Variants in LTBP4 observed in about 807,000 individuals in gnomAD.
LTBP4 encodes latent transforming growth factor beta binding protein 4, also known as latent-transforming growth factor beta-binding protein 4.
In LTBP4, 93 loss-of-function variants were observed where a neutral mutation model predicts 180.2. The observed-to-expected ratio is 0.52, with a 90% CI of 0.44 to 0.61. The LOEUF (loss-of-function observed/expected upper bound fraction) is 0.61. Ranked by LOEUF, LTBP4 falls within the 20% of genes least tolerant of loss-of-function variation. LTBP4 has a pLI of 0.00. For missense variants in LTBP4, 2,116 were observed against 2,256.5 expected (o/e 0.94, Z 1.26); for synonymous variants, 947 against 934.5 (o/e 1.01, Z -0.24).
intron 5 of LTBP4, 40 bp downstream of exon 5, chr19:40,606,347 G>A (rs1271135742): frequency 6.2e-7 from 1 of 1,602,100 alleles, no homozygotes; most frequent in South Asian, 1.1e-5. Context: ...GGTTCTGGGG[G>A]CGGGATTTGC....
At chr19:40,615,909 G>A (rs750114765) in intron 19 of LTBP4, among the ~76,000 whole-genome samples, 32 of 152,154 alleles carry the variant, frequency 2.1e-4, no homozygotes, top group Admixed American at 1.3e-4. Context: ...AAATACATAC[G>A]TATAACATCA....
At chr19:40,606,125 A>T in intron 4 of LTBP4, 108 bp from the exon 5 acceptor site, 2 of 1,072,800 alleles carry the variant, frequency 1.9e-6, no homozygotes, top group Non-Finnish European at 2.8e-6. Flanking sequence ...CCCTGCACTT[A>T]AACTACAGCC....
At chr19:40,608,020 T>C (rs1194095944) in intron 7 of LTBP4, among the ~76,000 whole-genome samples, 200 bp from the exon 8 acceptor site, 2 of 152,080 alleles carry the variant, frequency 1.3e-5, no homozygotes, top group African/African-American at 4.8e-5. Context: ...ATCCCAAATG[T>C]GGGAAAACGC....
rs749043704 is a variant in LTBP4 at position 40,617,078 on chromosome 19, CCTGA to C, written c.2945-18_2945-15del. ...GAGATGGTAGAAGGTCCAGAAATGG[CCTGA>C]CTGTCTGGTGGTTGCAGATGTGGAC... On this transcript the variant is annotated intron_variant, in intron 20 of 29. Transcript: ENST00000396819. 132 of 1,613,884 alleles carry C rather than the reference CCTGA, an allele frequency of 8.2e-5. No individual in the cohort carries two copies. The Admixed American group carries it at 1.5e-3, about 18-fold the overall frequency.
chr19:40,616,909 T>C lies in LTBP4; in HGVS notation c.2833T>C (p.Tyr945His). The C allele has an allele frequency of 1.2e-6, 2 of 1,613,970 alleles. No individual in the cohort carries two copies. The highest frequency in any genetic ancestry group is 1.7e-6 in the Non-Finnish European group (2 of 1,179,882). ...TCDDVDECQE[Y>H]GPEICGAQRC... ...TGCAGATGTGGATGAGTGCCAAGAA[T>C]ATGGTCCCGAGATTTGTGGAGCCCA... Residue 945 changes from tyrosine to histidine, a missense_variant, in exon 20 of 30, where the codon TAT (tyrosine) becomes CAT (histidine). This residue lies in a region of LTBP4 where 877 missense variants were observed against 873.6 expected (regional missense o/e 1.00). Coordinates refer to ENST00000396819, the MANE Select transcript of LTBP4 (RefSeq NM_001042545.2).
rs1204730681 is a variant in LTBP4 at position 40,596,350 on chromosome 19, C to T, written c.17-2847C>T. Among the ~76,000 whole-genome samples the T allele has an allele frequency of 2.6e-5, 4 of 152,168 alleles. No homozygotes were observed. In the East Asian group the frequency reaches 7.7e-4, roughly 29 times the overall value. ...CTGGGATTACAGGCCCGCGCCAGGG[C>T]ACCTAGCCGGAACTGGGAACTCTCT... On this transcript the variant is annotated intron_variant, in intron 1 of 32. Transcript: ENST00000204005.
intron 7 of LTBP4, 93 bp from the exon 8 acceptor site, chr19:40,608,127 A>G: frequency 2.8e-6 from 4 of 1,415,400 alleles, no homozygotes; most frequent in Non-Finnish European, 3.9e-6. Flanking sequence ...CTCTCCAGCC[A>G]AGCCCTGCCC....
intron 7 of LTBP4, 65 bp from the exon 8 acceptor site, chr19:40,608,155 C>T (rs1337723540): frequency 1.9e-6 from 3 of 1,578,846 alleles, no homozygotes; most frequent in African/African-American, 1.3e-5. Flanking sequence ...AGGCCAGAGT[C>T]TGGGCTGGCC....
Position 40,613,697 on chromosome 19 carries a change from G to A in LTBP4, c.2557+168G>A, listed in dbSNP as rs2081525601. 2 of 1,264,464 alleles carry A rather than the reference G, an allele frequency of 1.6e-6. No individual in the cohort carries two copies. Among genetic ancestry groups the A allele is most frequent in the South Asian group, 1.3e-5 (1 of 76,200 alleles). The allele number at this position is 1,264,464 out of a possible 1,614,324, so 78.3% of individuals were successfully genotyped here. A position where few individuals can be genotyped will look rare whatever the true frequency, so the allele number is the denominator to read the frequency against. On this transcript the variant is annotated intron_variant, in intron 17 of 29. Coordinates refer to ENST00000396819, the MANE Select transcript of LTBP4 (RefSeq NM_001042545.2). This position sits in a 1 kb window ranked among gnomAD's most constrained non-coding sequence, Gnocchi z 5.0. ...TCGAGGCAGTGAGGGGGGGCGGGGCGTGGAGATGAAAGGGCCGAGTCTGGG... is the reference window on the plus strand; with the variant it reads ...TCGAGGCAGTGAGGGGGGGCGGGGCATGGAGATGAAAGGGCCGAGTCTGGG...
Position 40,608,357 on chromosome 19 carries a change from C to G in LTBP4, c.1294C>G (p.Arg432Gly), listed in dbSNP as rs564267463. 1.9e-6 allele frequency: 3 copies of G among 1,612,888 alleles called. No individual in the cohort carries two copies. The highest frequency in any genetic ancestry group is 2.5e-6 in the Non-Finnish European group (3 of 1,179,446). Residue 432 changes from arginine to glycine, a missense_variant, in exon 8 of 30, where the codon CGG becomes GGG. By Grantham distance (125) the Arg-to-Gly change is moderately radical. Coordinates refer to ENST00000396819, the MANE Select transcript of LTBP4 (RefSeq NM_001042545.2). ...SQPRTLPATS[R>G]PSAGFLPTHR... is the part of the protein sequence containing the mutation. ...GCCTCGTACCCTGCCAGCCACCTCTCGGCCATCTGCAGGTGAGCTGGCTCT... is the reference window on the plus strand; with the variant it reads ...GCCTCGTACCCTGCCAGCCACCTCTGGGCCATCTGCAGGTGAGCTGGCTCT...
chr19:40,626,937 A>C (rs2081637650), intron 27 of LTBP4, 38 bp from the exon 28 acceptor site: 1 of 1,517,512 alleles, frequency 6.6e-7, no homozygotes, highest in African/African-American at 1.4e-5. Context: ...TGTGGGGGCC[A>C]GCAGGGGCTG....
At position 40,611,322 on chromosome 19, in the gene LTBP4, A is replaced by G; in HGVS notation, c.1981A>G (p.Asn661Asp). ...PPPCGPGRCD[N>D]TAGSFHCACP... ...GCCCTGTGGGCCCGGCCGCTGTGAC[A>G]ACACGGCAGGCTCCTTTCACTGTGC... The change falls in exon 13 of 30, where the codon AAC (asparagine) becomes GAC (aspartate). Residue 661 changes from asparagine to aspartate, a missense_variant. By Grantham distance (23) the Asn-to-Asp change is conservative (BLOSUM62 1). Coordinates refer to ENST00000396819, the MANE Select transcript of LTBP4 (RefSeq NM_001042545.2). This position sits in a 1 kb window ranked among gnomAD's most constrained non-coding sequence, Gnocchi z 4.4. The G allele has an allele frequency of 6.2e-7, 1 of 1,611,616 alleles. No individual in the cohort carries two copies. Among genetic ancestry groups the G allele is most frequent in the Non-Finnish European group, 8.5e-7 (1 of 1,179,500 alleles).
At chr19:40,614,230 C>G in intron 18 of LTBP4, 85 bp from the exon 19 acceptor site, 3 of 1,528,820 alleles carry the variant, frequency 2.0e-6, no homozygotes, top group Non-Finnish European at 2.7e-6. Flanking sequence ...CCCGGCCTCC[C>G]CCTTCTGACT....
At chr19:40,594,237 T>G (rs1384223404) in intron 1 of LTBP4, among the ~76,000 whole-genome samples, 1 of 150,316 alleles carries the variant, frequency 6.7e-6, no homozygotes, top group Non-Finnish European at 1.5e-5. Context: ...CTCTGTGTGT[T>G]TTTGTGCGTG....
chr19:40,613,705 G>T lies in LTBP4; in HGVS notation c.2557+176G>T, dbSNP rs2081525638. 8.1e-7 allele frequency: 1 copy of T among 1,233,496 alleles called. No individual in the cohort carries two copies. The highest frequency in any genetic ancestry group is 1.3e-5 in the South Asian group (1 of 75,310). The allele number at this position is 1,233,496 out of a possible 1,614,324, so 76.4% of individuals were successfully genotyped here. ...GTGAGGGGGGGCGGGGCGTGGAGAT[G>T]AAAGGGCCGAGTCTGGGTATTTGGA... On this transcript the variant is annotated intron_variant, in intron 17 of 29. Coordinates refer to ENST00000396819, the MANE Select transcript of LTBP4 (RefSeq NM_001042545.2). This position sits in a 1 kb window ranked among gnomAD's most constrained non-coding sequence, Gnocchi z 5.0.
At position 40,614,322 on chromosome 19, in the gene LTBP4, C is replaced by A. The variant is rs370260014; in HGVS notation, c.2688C>A (p.Asp896Glu). 48 of 1,599,104 alleles carry A rather than the reference C, an allele frequency of 3.0e-5. No individual in the cohort carries two copies. Among genetic ancestry groups the A allele is most frequent in the Middle Eastern group, 3.3e-4 (2 of 6,078 alleles). The change falls in exon 19 of 30, where the codon GAC becomes GAA. Residue 896 changes from aspartate to glutamate, a missense_variant. Asp to Glu is a conservative substitution (Grantham distance 45, BLOSUM62 2). This residue lies in a region of LTBP4 where 877 missense variants were observed against 873.6 expected (regional missense o/e 1.00). Transcript: ENST00000396819. ...GPDLASCLDV[D>E]ECRERGPALC... ...CCCGACCTCTCTCCTCAGACGTGGA[C>A]GAATGTCGCGAGCGAGGCCCAGCCC... is the stretch of plus-strand genomic sequence containing the variant.
chr19:40,601,960 A>G (rs1340933700), intron 1 of LTBP4, among the ~76,000 whole-genome samples: 1 of 151,752 alleles, frequency 6.6e-6, no homozygotes, highest in Non-Finnish European at 1.5e-5. Flanking sequence ...GGGGGGCTCG[A>G]ATTCTGAGAC....
In LTBP4 at chr19:40,613,542, G is replaced by T. The variant is rs765723850; in HGVS notation, c.2557+13G>T. Reference sequence around the variant, plus strand: ...GCCTCTTGCCTCGGTTCGTACCCGGGCTGATCCTGGCCCCGGAAAGGGTGG... The same window carrying T: ...GCCTCTTGCCTCGGTTCGTACCCGGTCTGATCCTGGCCCCGGAAAGGGTGG... On this transcript the variant is annotated intron_variant, in intron 17 of 29. Transcript: ENST00000396819. This position sits in a 1 kb window ranked among gnomAD's most constrained non-coding sequence, Gnocchi z 5.0. The T allele has an allele frequency of 9.0e-6, 14 of 1,560,006 alleles. No individual in the cohort carries two copies. Among genetic ancestry groups the T allele is most frequent in the Non-Finnish European group, 1.0e-5 (12 of 1,153,886 alleles).
At chr19:40,593,200 G>A (rs746187278) in intron 1 of LTBP4, 5 of 1,613,450 alleles carry the variant, frequency 3.1e-6, no homozygotes, top group Non-Finnish European at 4.2e-6. Flanking sequence ...CTCTGAAACC[G>A]GGGTGTTCTG....
Sources: gnomAD v4.1 joint callset for allele counts (sites outside exome capture counted in the v4.1 genomes callset) on GRCh38, gnomAD v4.1.1 for gene constraint, gnomAD v4.1.1 regional missense constraint, Gnocchi (gnomAD v3.1) non-coding constraint, MANE v1.5 for transcripts, NCBI Gene and HGNC (gene_info 2026-07-23, HGNC 2026-07-21) for gene names.